BRS3: variants seen among roughly 807,000 people sequenced by gnomAD.
BRS3 encodes the protein bombesin receptor subtype 3.
Under a neutral mutation model 18.8 loss-of-function variants are expected in BRS3, and 5 were observed. That is an observed-to-expected ratio of 0.27 (90% CI 0.14 to 0.56). The LOEUF (loss-of-function observed/expected upper bound fraction) is 0.56. BRS3 is among the 20% of genes least tolerant of loss of function. BRS3 has a pLI of 0.93. For synonymous variants in BRS3, 121 were observed against 115.0 expected (o/e 1.05, Z -0.33); for missense variants, 215 against 296.3 (o/e 0.73, Z 2.01).
Position 136,490,093 on chromosome X carries a change from A to G in BRS3, c.435-40A>G, listed in dbSNP as rs373773614. The G allele has an allele frequency of 1.0e-4, 112 of 1,116,979 alleles. No individual in the cohort carries two copies. In the African/African-American group the frequency reaches 2.0e-3, roughly 20 times the overall value. 92.1% of individuals were successfully genotyped at this position (1,116,979 alleles called of 1,213,427 possible). Reference sequence around the variant, plus strand: ...CTCACCCTAAAATTTGGTAACTTTGACATTTATTTGGACCTTTGCCTCTGA... The same window carrying G: ...CTCACCCTAAAATTTGGTAACTTTGGCATTTATTTGGACCTTTGCCTCTGA... On this transcript the variant is annotated intron_variant, in intron 1 of 2. Coordinates refer to ENST00000370648, the MANE Select transcript of BRS3 (RefSeq NM_001727.2).
At position 136,488,540 on chromosome X, in the gene BRS3, C is replaced by T. The variant is rs201345925; in HGVS notation, c.426C>T (p.Ser142=). ...CAGTGTTCACATTAACAATTCTCAGCGCTGACAGGTGAGTTTCTTTTCTCC... is the reference window on the plus strand; with the variant it reads ...CAGTGTTCACATTAACAATTCTCAGTGCTGACAGGTGAGTTTCTTTTCTCC... ...GVSVFTLTIL[S]ADRYKAVVKP... The change falls in exon 1 of 3, where the codon AGC becomes AGT. Residue 142 remains serine, a synonymous_variant. Transcript: ENST00000370648. The T allele has an allele frequency of 9.2e-6, 11 of 1,194,688 alleles. No individual in the cohort carries two copies. Among genetic ancestry groups the T allele is most frequent in the Middle Eastern group, 2.3e-4 (1 of 4,273 alleles).
chrX:136,490,306 G>A lies in BRS3; in HGVS notation c.608G>A (p.Cys203Tyr), dbSNP rs1334522264. The A allele has an allele frequency of 1.7e-6, 2 of 1,210,466 alleles. No individual in the cohort carries two copies. The highest frequency in any genetic ancestry group is 2.2e-6 in the Non-Finnish European group (2 of 894,341). The change falls in exon 2 of 3, where the codon TGT becomes TAT. Residue 203 changes from cysteine (C) to tyrosine (Y), a missense_variant. Coordinates refer to ENST00000370648, the MANE Select transcript of BRS3 (RefSeq NM_001727.2). ...AATAAAAATATGACATTTGAATCAT[G>A]TACCTCTTATCCTGTCTCTAAGAAG... is the stretch of plus-strand genomic sequence containing the variant. ...DPNKNMTFESCTSYPVSKKLL... is the reference protein window; with the variant it reads ...DPNKNMTFESYTSYPVSKKLL...
intron 1 of BRS3, among the ~76,000 whole-genome samples, chrX:136,488,750 T>G (rs1016212416): frequency 5.3e-5 from 6 of 112,483 alleles, no homozygotes; most frequent in African/African-American, 1.9e-4. Context: ...GGAGGAGAAG[T>G]TGAAATTGCA....
intron 2 of BRS3, 81 bp from the exon 3 acceptor site, chrX:136,491,881 G>A (rs368686052): frequency 2.3e-6 from 2 of 874,991 alleles, no homozygotes; most frequent in African/African-American, 7.6e-5. Context: ...ACAGCTAAAT[G>A]TTTTGTTTTT....
Position 136,492,382 on chromosome X carries a change from A to C in BRS3, c.*7A>C. 1.7e-6 allele frequency: 2 copies of C among 1,196,444 alleles called. No homozygotes were observed. Among genetic ancestry groups the C allele is most frequent in the Non-Finnish European group, 1.1e-6 (1 of 887,931 alleles). Reference sequence around the variant, plus strand: ...GGCAGAGGACAGATTCTAGCTTTTCAAGGAAAAATGCTGCTTCTCCTCCCA... The same window carrying C: ...GGCAGAGGACAGATTCTAGCTTTTCCAGGAAAAATGCTGCTTCTCCTCCCA... On this transcript the variant is annotated 3_prime_UTR_variant, in exon 3 of 3. Transcript: ENST00000370648.
rs1157258326 is a variant in BRS3, at chrX:136,490,151, G to C, written c.453G>C (p.Lys151Asn). 8.4e-7 allele frequency: 1 copy of C among 1,195,236 alleles called. No individual in the cohort carries two copies. Residue 151 changes from lysine to asparagine, a missense_variant, in exon 2 of 3, where the codon AAG becomes AAC. Physicochemically the swap from Lys to Asn is moderately conservative, Grantham distance 94 (BLOSUM62 0). This residue lies in a region of BRS3 where 123 missense variants were observed against 207.6 expected (regional missense o/e 0.59). Transcript: ENST00000370648. ...LSADRYKAVV[K>N]PLERQPSNAI... ...TTTCTAGATACAAGGCAGTTGTGAA[G>C]CCACTTGAGCGACAGCCCTCCAATG... is the stretch of plus-strand genomic sequence containing the variant.
rs906446771 is a variant in BRS3 at position 136,490,174 on chromosome X, A to G, written c.476A>G (p.Asn159Ser). 1.7e-6 allele frequency: 2 copies of G among 1,207,215 alleles called. No homozygotes were observed. Among genetic ancestry groups the G allele is most frequent in the Non-Finnish European group, 1.1e-6 (1 of 892,203 alleles). ...AAGCCACTTGAGCGACAGCCCTCCA[A>G]TGCCATCCTGAAGACTTGTGTAAAA... The part of the protein sequence containing the change: ...VVKPLERQPS[N>S]AILKTCVKAG... Residue 159 changes from asparagine to serine, a missense_variant, in exon 2 of 3, where the codon AAT becomes AGT. This residue lies in a region of BRS3 where 123 missense variants were observed against 207.6 expected (regional missense o/e 0.59). Coordinates refer to ENST00000370648, the MANE Select transcript of BRS3 (RefSeq NM_001727.2).
chrX:136,489,181 G>C (rs751811262), intron 1 of BRS3, among the ~76,000 whole-genome samples: 2 of 111,702 alleles, frequency 1.8e-5, no homozygotes, highest in Middle Eastern at 4.6e-3. Flanking sequence ...TCTGTGGAGA[G>C]AGCGTGTGAG....
intron 1 of BRS3, among the ~76,000 whole-genome samples, chrX:136,488,932 G>C (rs1467169220): frequency 8.9e-6 from 1 of 111,923 alleles, no homozygotes; most frequent in East Asian, 2.8e-4. Context: ...TGAAAACCAG[G>C]ATAGGTGTGA....
At chrX:136,490,616 T>C (rs1267986766) in intron 2 of BRS3, 132 bp downstream of exon 2, 1 of 483,089 alleles carries the variant, frequency 2.1e-6, no homozygotes, top group Non-Finnish European at 3.1e-6. Context: ...GTTATGAGCA[T>C]AGGCTCCGGT....
In BRS3 at chrX:136,492,241, C is replaced by T; in HGVS notation, c.1066C>T (p.Pro356Ser). The change falls in exon 3 of 3, where the codon CCT (proline) becomes TCT (serine). Residue 356 changes from proline to serine, a missense_variant. By Grantham distance (74) the Pro-to-Ser change is moderately conservative (BLOSUM62 -1). This residue lies in a region of BRS3 where 45 missense variants were observed against 45.5 expected (regional missense o/e 0.99). Transcript: ENST00000370648. Reference protein sequence around the residue: ...FCCKAERPEPPVADTSLTTLA... With the variant: ...FCCKAERPEPSVADTSLTTLA... The stretch of plus-strand genomic sequence containing the variant: ...TTGCAAGGCGGAGCGGCCTGAGCCT[C>T]CTGTTGCTGACACCTCTCTTACCAC... 1 of 1,211,760 alleles carries T rather than the reference C, an allele frequency of 8.3e-7. No individual in the cohort carries two copies. The highest frequency in any genetic ancestry group is 1.8e-5 in the South Asian group (1 of 57,009).
At chrX:136,490,024 A>C in intron 1 of BRS3, 109 bp from the exon 2 acceptor site, 1 of 565,870 alleles carries the variant, frequency 1.8e-6, no homozygotes, top group Non-Finnish European at 2.8e-6. Context: ...TTGGTTATAC[A>C]CATATGCACG....
Position 136,490,450 on chromosome X carries a change from T to C in BRS3, c.752T>C (p.Ile251Thr). The C allele has an allele frequency of 1.7e-6, 2 of 1,185,394 alleles. No homozygotes were observed. Among genetic ancestry groups the C allele is most frequent in the Non-Finnish European group, 2.3e-6 (2 of 879,131 alleles). The change falls in exon 2 of 3, where the codon ATA (isoleucine) becomes ACA (threonine). Residue 251 changes from isoleucine (I) to threonine (T), a missense_variant. Ile to Thr is a moderately conservative substitution (Grantham distance 89). Transcript: ENST00000370648. ...ACCCTTTACAAAAGCACCCTGAACA[T>C]ACCTACTGAGGAACAAAGCCATGCC... The part of the protein sequence containing the change: ...ARTLYKSTLN[I>T]PTEEQSHARK...
rs1390801245 is a variant in BRS3, at chrX:136,493,559, C to T, written c.*1184C>T. 9.0e-6 allele frequency: 1 copy of T among 110,707 alleles called. No individual in the cohort carries two copies. Among genetic ancestry groups the T allele is most frequent in the African/African-American group, 3.3e-5 (1 of 30,441 alleles). 9.1% of individuals were successfully genotyped at this position (110,707 alleles called of 1,213,427 possible). A position where few individuals can be genotyped will look rare whatever the true frequency, so the allele number is the denominator to read the frequency against. On this transcript the variant is annotated 3_prime_UTR_variant, in exon 3 of 3. Coordinates refer to ENST00000370648, the MANE Select transcript of BRS3 (RefSeq NM_001727.2). Reference sequence around the variant, plus strand: ...AAAAAAAAAACAATGTTTGAGTGTGCTTTTGGTAATGCTGAGCTTTCTTTA... The same window carrying T: ...AAAAAAAAAACAATGTTTGAGTGTGTTTTTGGTAATGCTGAGCTTTCTTTA...
chrX:136,487,970 A>G lies in BRS3; in HGVS notation c.-145A>G, dbSNP rs2148516589. 1 of 536,389 alleles carries G rather than the reference A, an allele frequency of 1.9e-6. No homozygotes were observed. Among genetic ancestry groups the G allele is most frequent in the East Asian group, 3.7e-5 (1 of 27,060 alleles). 44.2% of individuals were successfully genotyped at this position (536,389 alleles called of 1,213,427 possible). ...ACACACAGAACTGAAGCAAAGGAGT[A>G]TCTGGATGTCTTGGATTTTCTTCCC... On this transcript the variant is annotated 5_prime_UTR_variant, in exon 1 of 3. Coordinates refer to ENST00000370648, the MANE Select transcript of BRS3 (RefSeq NM_001727.2).
rs1403392915 is a variant in BRS3, at chrX:136,490,192, G to A, written c.494G>A (p.Cys165Tyr). The change falls in exon 2 of 3, where the codon TGT becomes TAT. Residue 165 changes from cysteine to tyrosine, a missense_variant. Physicochemically the swap from Cys to Tyr is radical, Grantham distance 194 (BLOSUM62 -2). Around this residue, in one of 3 missense-constraint regions of BRS3, gnomAD observed 123 missense variants for 207.6 expected, o/e 0.59. Transcript: ENST00000370648. ...RQPSNAILKT[C>Y]VKAGCVWIVS... Reference sequence around the variant, plus strand: ...CCCTCCAATGCCATCCTGAAGACTTGTGTAAAAGCTGGCTGCGTCTGGATC... The same window carrying A: ...CCCTCCAATGCCATCCTGAAGACTTATGTAAAAGCTGGCTGCGTCTGGATC... 8.3e-7 allele frequency: 1 copy of A among 1,210,282 alleles called. No homozygotes were observed. The highest frequency in any genetic ancestry group is 3.0e-5 in the East Asian group (1 of 33,829).
chrX:136,491,879 ATGTTTTGT>A, intron 2 of BRS3, 75 bp from the exon 3 acceptor site: 1 of 912,953 alleles, frequency 1.1e-6, no homozygotes, highest in Non-Finnish European at 1.4e-6. Context: ...TCACAGCTAA[ATGTTTTGT>A]TTTTTTTGTT....
chrX:136,488,133 C>A lies in BRS3; in HGVS notation c.19C>A (p.His7Asn). 8.3e-7 allele frequency: 1 copy of A among 1,201,804 alleles called. No homozygotes were observed. Among genetic ancestry groups the A allele is most frequent in the Non-Finnish European group, 1.1e-6 (1 of 890,592 alleles). The change falls in exon 1 of 3, where the codon CAC becomes AAC. Residue 7 changes from histidine (H) to asparagine (N), a missense_variant. Around this residue, in one of 3 missense-constraint regions of BRS3, gnomAD observed 47 missense variants for 43.1 expected, o/e 1.09. Transcript: ENST00000370648. MAQRQP[H>N]SPNQTLISIT... Reference sequence around the variant, plus strand: ...AGAAGAAATGGCTCAAAGGCAGCCTCACTCACCTAATCAGACTTTAATTTC... The same window carrying A: ...AGAAGAAATGGCTCAAAGGCAGCCTAACTCACCTAATCAGACTTTAATTTC...
At position 136,488,443 on chromosome X, in the gene BRS3, C is replaced by T. The variant is rs1223237376; in HGVS notation, c.329C>T (p.Ala110Val). Residue 110 changes from alanine to valine, a missense_variant, in exon 1 of 3, where the codon GCA becomes GTA. Ala to Val is a moderately conservative substitution (Grantham distance 64). Transcript: ENST00000370648. ...CCAGTGGATGCAACTCACTACCTTG[C>T]AGAAGGATGGCTGTTCGGAAGAATT... is the stretch of plus-strand genomic sequence containing the variant. Reference protein sequence around the residue: ...CVPVDATHYLAEGWLFGRIGC... With the variant: ...CVPVDATHYLVEGWLFGRIGC... 1 of 1,210,379 alleles carries T rather than the reference C, an allele frequency of 8.3e-7. No homozygotes were observed. Among genetic ancestry groups the T allele is most frequent in the Non-Finnish European group, 1.1e-6 (1 of 895,292 alleles).
Sources: gnomAD v4.1 joint callset for allele counts (sites outside exome capture counted in the v4.1 genomes callset) on GRCh38, gnomAD v4.1.1 for gene constraint, gnomAD v4.1.1 regional missense constraint, MANE v1.5 for transcripts, NCBI Gene and HGNC (gene_info 2026-07-23, HGNC 2026-07-21) for gene names.